The following STOX1 variants were observed in gnomAD, a reference collection of about 807,000 sequenced individuals.
The protein encoded by STOX1 is storkhead-box protein 1.
STOX1 carries 57 observed loss-of-function variants against 74.8 expected under a neutral mutation model. The observed-to-expected ratio is 0.76, with a 90% CI of 0.62 to 0.95. The LOEUF is 0.95. Ranked by LOEUF, STOX1 falls within the 40% of genes least tolerant of loss-of-function variation. STOX1 has a pLI of 0.00. For synonymous variants in STOX1, 375 were observed against 401.3 expected (o/e 0.93, Z 0.78); for missense variants, 1,010 against 1,117.0 (o/e 0.90, Z 1.37).
chr10:68,864,874 T>C (rs946825215), intron 1 of STOX1, among the ~76,000 whole-genome samples: 1 of 152,256 alleles, frequency 6.6e-6, no homozygotes, highest in Non-Finnish European at 1.5e-5. Context: ...GAGCAGGCCG[T>C]ATGCAATTAA....
At chr10:68,830,528 A>G (rs1202812542) in intron 1 of STOX1, among the ~76,000 whole-genome samples, 1 of 152,038 alleles carries the variant, frequency 6.6e-6, no homozygotes, top group Non-Finnish European at 1.5e-5. Context: ...TTTTTAGTAG[A>G]GACAGGGTTT....
chr10:68,836,982 T>G (rs565869057), intron 1 of STOX1, among the ~76,000 whole-genome samples: 16 of 152,338 alleles, frequency 1.1e-4, no homozygotes, highest in African/African-American at 2.9e-4. Context: ...ACACAGTTGT[T>G]GAAGCACCCA....
intron 1 of STOX1, among the ~76,000 whole-genome samples, chr10:68,835,594 C>G (rs1048331904): frequency 6.6e-6 from 1 of 150,804 alleles, no homozygotes; most frequent in Admixed American, 6.6e-5. Context: ...TAGGTATGAA[C>G]GTCTTCCTGC....
chr10:68,836,269 G>A (rs1406889703), intron 1 of STOX1, among the ~76,000 whole-genome samples: 1 of 152,210 alleles, frequency 6.6e-6, no homozygotes, highest in Non-Finnish European at 1.5e-5. Flanking sequence ...TACAAATGAG[G>A]ACACAGTAGC....
chr10:68,894,667 AG>A (rs760088078), downstream of STOX1, among the ~76,000 whole-genome samples: 1 of 152,180 alleles, frequency 6.6e-6, no homozygotes, highest in Non-Finnish European at 1.5e-5. Flanking sequence ...GTATAGTTTT[AG>A]GGGGGTCTCA....
intron 1 of STOX1, among the ~76,000 whole-genome samples, chr10:68,859,562 T>C (rs1169102548): frequency 6.6e-6 from 1 of 152,048 alleles, no homozygotes; most frequent in Non-Finnish European, 1.5e-5. Flanking sequence ...AAATAAGTAT[T>C]TAGTGTGTTG....
In STOX1 at chr10:68,882,049, T is replaced by C. The variant is rs370702767; in HGVS notation, c.402T>C (p.Asn134=). 6.2e-7 allele frequency: 1 copy of C among 1,613,946 alleles called. No homozygotes were observed. Among genetic ancestry groups the C allele is most frequent in the Non-Finnish European group, 8.5e-7 (1 of 1,179,890 alleles). ...TTTGCTGTGCTATATCTGATATGAA[T>C]ACAGCTCAGATTGTAGTAACGCAGG... ...EVLCCAISDM[N]TAQIVVTQES... is the part of the protein sequence containing the mutation. The change falls in exon 2 of 4, where the codon AAT becomes AAC. Residue 134 remains asparagine, a synonymous_variant. Coordinates refer to ENST00000298596, the MANE Select transcript of STOX1 (RefSeq NM_152709.5).
chr10:68,846,949 G>A (rs1839871185), intron 1 of STOX1: 1 of 152,114 alleles, frequency 6.6e-6, no homozygotes, highest in South Asian at 2.1e-4. Context: ...TTAATTTCGG[G>A]AGAATTCACA....
chr10:68,828,978 G>T (rs1839338093), intron 1 of STOX1: 1 of 985,316 alleles, frequency 1.0e-6, no homozygotes, highest in Non-Finnish European at 1.2e-6. Context: ...TCTGACTCTG[G>T]GCACTAAACC....
chr10:68,861,878 T>C (rs1000167950), intron 1 of STOX1, among the ~76,000 whole-genome samples: 4 of 152,144 alleles, frequency 2.6e-5, no homozygotes, highest in African/African-American at 7.3e-5. Flanking sequence ...TTCTAGATGC[T>C]TTTTTATTTT....
intron 1 of STOX1, among the ~76,000 whole-genome samples, chr10:68,862,365 C>T (rs7083105): frequency 0.027 from 4,108 of 152,040 alleles, 225 homozygotes; most frequent in African/African-American, 0.093. Context: ...CACAAGAGAA[C>T]GATCTACATT....
At chr10:68,833,398 G>A (rs970975212) in intron 1 of STOX1, among the ~76,000 whole-genome samples, 5 of 152,068 alleles carry the variant, frequency 3.3e-5, no homozygotes, top group Non-Finnish European at 5.9e-5. Flanking sequence ...CTCAGACACC[G>A]AGTTAAAGAA....
Position 68,885,068 on chromosome 10 carries a change from G to A in STOX1, c.1272G>A (p.Gly424=). The A allele has an allele frequency of 6.2e-7, 1 of 1,614,044 alleles. No individual in the cohort carries two copies. Among genetic ancestry groups the A allele is most frequent in the Non-Finnish European group, 8.5e-7 (1 of 1,180,016 alleles). ...KRQGLSAKPQ[G]QGHSRRDRHK... is the part of the protein sequence containing the mutation. Reference sequence around the variant, plus strand: ...AGGGTCTGTCTGCAAAACCTCAAGGGCAGGGCCATTCTCGAAGGGATAGAC... The same window carrying A: ...AGGGTCTGTCTGCAAAACCTCAAGGACAGGGCCATTCTCGAAGGGATAGAC... The change falls in exon 3 of 4, where the codon GGG becomes GGA. Residue 424 remains glycine, a synonymous_variant. Coordinates refer to ENST00000298596, the MANE Select transcript of STOX1 (RefSeq NM_152709.5).
At chr10:68,870,443 A>G (rs116810148) in intron 1 of STOX1, among the ~76,000 whole-genome samples, 4,636 of 152,272 alleles carry the variant, frequency 0.03, 118 homozygotes, top group African/African-American at 0.07. Flanking sequence ...CTTGCCCCCA[A>G]CGCTTGTAAC....
Position 68,847,161 on chromosome 10 carries a change from C to T in STOX1, c.310+19228C>T, listed in dbSNP as rs145688909. 5.3e-5 allele frequency among the ~76,000 whole-genome samples: 8 copies of T among 152,270 alleles called. No homozygotes were observed. In the East Asian group the frequency reaches 1.5e-3, roughly 29 times the overall value. On this transcript the variant is annotated intron_variant, in intron 1 of 3. Transcript: ENST00000298596. ...TGAAAAAGCCAGAAAATGGAAACCT[C>T]AGTAGACTCATTTAAATTCTCCAGA...
In STOX1 at chr10:68,838,922, AAAG is replaced by A. The variant is rs1477736608; in HGVS notation, c.310+10993_310+10995del. 2.6e-5 allele frequency among the ~76,000 whole-genome samples: 4 copies of A among 151,312 alleles called. No homozygotes were observed. In the South Asian group the frequency reaches 8.5e-4, roughly 32 times the overall value. On this transcript the variant is annotated intron_variant, in intron 1 of 3. Transcript: ENST00000298596. ...GAGACTCTGTCTCAAAAAAAAAAAAAAAGAAGTGGCAAGAGTGGGCATCTGTGT... is the reference window on the plus strand; with the variant it reads ...GAGACTCTGTCTCAAAAAAAAAAAAAAAGTGGCAAGAGTGGGCATCTGTGT...
intron 1 of STOX1, among the ~76,000 whole-genome samples, chr10:68,839,805 G>A (rs901772557): frequency 1.3e-5 from 2 of 152,136 alleles, no homozygotes; most frequent in Non-Finnish European, 1.5e-5. Context: ...CAGGAGATTC[G>A]CTTGAACCCA....
intron 1 of STOX1, among the ~76,000 whole-genome samples, chr10:68,880,732 C>T (rs1163129963): frequency 6.6e-6 from 1 of 151,986 alleles, no homozygotes; most frequent in African/African-American, 2.4e-5. Context: ...TAGGCTCACT[C>T]ACTAGGCTGG....
At chr10:68,834,972 C>T (rs1012798127) in intron 1 of STOX1, among the ~76,000 whole-genome samples, 18 of 151,972 alleles carry the variant, frequency 1.2e-4, no homozygotes, top group Non-Finnish European at 2.6e-4. Context: ...TATCCATCTG[C>T]GTTGGCCTCC....
Sources: gnomAD v4.1 joint callset for allele counts (sites outside exome capture counted in the v4.1 genomes callset) on GRCh38, gnomAD v4.1.1 for gene constraint, MANE v1.5 for transcripts, NCBI Gene and HGNC (gene_info 2026-07-23, HGNC 2026-07-21) for gene names.